The following SHC4 variants were observed in gnomAD, a reference collection of about 807,000 sequenced individuals.
SHC4 encodes the protein SHC adaptor protein 4, also known as SHC-transforming protein 4.
In SHC4, 41 loss-of-function variants were observed where a neutral mutation model predicts 69.4. That is an observed-to-expected ratio of 0.59 (90% CI 0.46 to 0.77). SHC4 has a LOEUF of 0.77. Among genes scored for constraint, SHC4 ranks in the 30% least tolerant of loss-of-function variants. SHC4 has a pLI of 0.00. For synonymous variants in SHC4, 318 were observed against 299.3 expected (o/e 1.06, Z -0.64); for missense variants, 777 against 783.8 (o/e 0.99, Z 0.10).
rs954430326 is a variant in SHC4, at chr15:48,963,801, G to C, written c.-786C>G. On this transcript the variant is annotated 5_prime_UTR_variant, in exon 1 of 12. Coordinates refer to ENST00000332408, the MANE Select transcript of SHC4 (RefSeq NM_203349.4). ...ATTCCTCTCGGAGCTTTTTTCAGAA[G>C]CCCATTTGCAGCCGAAAGCTGAGAT... 6.6e-6 allele frequency among the ~76,000 whole-genome samples: 1 copy of C among 152,186 alleles called. No individual in the cohort carries two copies. Among genetic ancestry groups the C allele is most frequent in the African/African-American group, 2.4e-5 (1 of 41,440 alleles).
intron 10 of SHC4, among the ~76,000 whole-genome samples, chr15:48,837,099 G>A (rs1898913177): frequency 6.6e-6 from 1 of 152,178 alleles, no homozygotes; most frequent in Admixed American, 6.5e-5. Context: ...GGGTATACAC[G>A]TCTTAATGCG....
At chr15:48,876,346 G>A (rs1384299630) in intron 4 of SHC4, among the ~76,000 whole-genome samples, 7 of 152,058 alleles carry the variant, frequency 4.6e-5, no homozygotes, top group Non-Finnish European at 1.5e-5. Context: ...CTCCCAGCTG[G>A]TGCATGATCA....
At chr15:48,948,079 A>G (rs1456623731) in intron 1 of SHC4, 1 of 152,362 alleles carries the variant, frequency 6.6e-6, no homozygotes, top group South Asian at 2.1e-4. Context: ...AGGGTCTTGG[A>G]TAGGATTCTG....
intron 5 of SHC4, among the ~76,000 whole-genome samples, chr15:48,870,189 G>A (rs1195122034): frequency 8.5e-5 from 13 of 152,178 alleles, no homozygotes; most frequent in Admixed American, 8.5e-4. Flanking sequence ...ATGGATGACT[G>A]AGCTAGGGAG....
intron 2 of SHC4, among the ~76,000 whole-genome samples, chr15:48,909,381 G>A (rs777424682): frequency 6.6e-6 from 1 of 151,472 alleles, no homozygotes; most frequent in Admixed American, 6.6e-5. Context: ...CTACTGATCT[G>A]TGAATACATT....
chr15:48,833,195 GC>G (rs941158941), intron 11 of SHC4, among the ~76,000 whole-genome samples: 28 of 152,130 alleles, frequency 1.8e-4, no homozygotes, highest in African/African-American at 6.8e-4. Flanking sequence ...ACACCAACCA[GC>G]CCAAATAGAG....
intron 1 of SHC4, among the ~76,000 whole-genome samples, chr15:48,936,679 C>A (rs1019353568): frequency 2.0e-5 from 3 of 152,158 alleles, no homozygotes; most frequent in African/African-American, 4.8e-5. Flanking sequence ...TTATTAATGA[C>A]CCAGTCTTGG....
chr15:48,840,997 C>T (rs76763394), intron 10 of SHC4, among the ~76,000 whole-genome samples: 6,627 of 152,212 alleles, frequency 0.044, 294 homozygotes, highest in East Asian at 0.22. Flanking sequence ...TATTTACTTT[C>T]AATGAATGAT....
intron 3 of SHC4, 32 bp from the exon 4 acceptor site, chr15:48,884,399 T>C (rs751266676): frequency 1.9e-6 from 3 of 1,546,366 alleles, no homozygotes; most frequent in Admixed American, 4.3e-5. Context: ...AACAAAACAC[T>C]GTTAGGAATT....
At chr15:48,841,229 G>T (rs1392590134) in intron 10 of SHC4, among the ~76,000 whole-genome samples, 1 of 152,228 alleles carries the variant, frequency 6.6e-6, no homozygotes, top group African/African-American at 2.4e-5. Context: ...TCCGTGAAAT[G>T]AAAGGTATCA....
In SHC4 at chr15:48,884,358, T is replaced by C. The variant is rs17856990; in HGVS notation, c.730A>G (p.Lys244Glu). ...TTGCCAAGGACTGTTGATAGGAACT[T>C]AACTGGAGGCTTTAAAAATTAAAGA... ...GAIKKRKPPV[K>E]FLSTVLGKSN... The change falls in exon 4 of 12, where the codon AAG becomes GAG. Residue 244 changes from lysine to glutamate, a missense_variant. Lys to Glu is a moderately conservative substitution (Grantham distance 56). Transcript: ENST00000332408. 6.3e-7 allele frequency: 1 copy of C among 1,589,974 alleles called. No individual in the cohort carries two copies. The highest frequency in any genetic ancestry group is 8.5e-7 in the Non-Finnish European group (1 of 1,172,866).
intron 4 of SHC4, chr15:48,877,629 C>A: frequency 8.2e-6 from 7 of 856,020 alleles, no homozygotes; most frequent in Non-Finnish European, 9.8e-6. Flanking sequence ...AGTATTTCTT[C>A]ACTATAACTA....
chr15:48,895,446 C>T lies in SHC4; in HGVS notation c.657-4635G>A, dbSNP rs193129248. On this transcript the variant is annotated intron_variant, in intron 2 of 11. Coordinates refer to ENST00000332408, the MANE Select transcript of SHC4 (RefSeq NM_203349.4). The stretch of plus-strand genomic sequence containing the variant: ...TGTTCACTCCCCTAACATAGTGAGG[C>T]GCAGCTCTTTGGCCAATCGTTAATA... 2.6e-3 allele frequency among the ~76,000 whole-genome samples: 390 copies of T among 152,220 alleles called. 3 individuals carry two copies. Among genetic ancestry groups the T allele is most frequent in the Admixed American group, 5.8e-3 (88 of 15,296 alleles).
chr15:48,848,565 A>C (rs1470511506), intron 9 of SHC4, among the ~76,000 whole-genome samples: 2 of 152,206 alleles, frequency 1.3e-5, no homozygotes, highest in African/African-American at 4.8e-5. Context: ...GCTAGGATTA[A>C]TTCTATAAAA....
Position 48,889,198 on chromosome 15 carries a change from T to C in SHC4, c.720+1550A>G, listed in dbSNP as rs28384249. 5.6e-3 allele frequency among the ~76,000 whole-genome samples: 846 copies of C among 152,274 alleles called. 9 individuals carry two copies. The highest frequency in any genetic ancestry group is 0.02 in the African/African-American group (819 of 41,552). Reference sequence around the variant, plus strand: ...CCAGTTGAAGCATCCTAATCAGAAATTATGAGAAGCAGGAAGAGGTTAGAG... The same window carrying C: ...CCAGTTGAAGCATCCTAATCAGAAACTATGAGAAGCAGGAAGAGGTTAGAG... On this transcript the variant is annotated intron_variant, in intron 3 of 11. Coordinates refer to ENST00000332408, the MANE Select transcript of SHC4 (RefSeq NM_203349.4).
At chr15:48,890,863 G>T in intron 2 of SHC4, 52 bp from the exon 3 acceptor site, 1 of 1,579,344 alleles carries the variant, frequency 6.3e-7, no homozygotes, top group Non-Finnish European at 8.7e-7. Flanking sequence ...CCTCCACACA[G>T]TAAGTGTTTA....
At chr15:48,961,932 G>A (rs1195080667) in intron 1 of SHC4, among the ~76,000 whole-genome samples, 1 of 152,216 alleles carries the variant, frequency 6.6e-6, no homozygotes, top group East Asian at 1.9e-4. Flanking sequence ...CGTGTTTTGA[G>A]AAGTGTTTGT....
chr15:48,859,175 A>C (rs1899387766), intron 6 of SHC4, among the ~76,000 whole-genome samples: 1 of 152,234 alleles, frequency 6.6e-6, no homozygotes, highest in Non-Finnish European at 1.5e-5. Flanking sequence ...TGATAACAGT[A>C]AGTTATAACA....
At chr15:48,873,886 C>G (rs1443199210) in intron 4 of SHC4, among the ~76,000 whole-genome samples, 2 of 152,034 alleles carry the variant, frequency 1.3e-5, no homozygotes, top group African/African-American at 4.8e-5. Flanking sequence ...AAGATCTGAA[C>G]AAGTAGAAAG....
Sources: gnomAD v4.1 joint callset for allele counts (sites outside exome capture counted in the v4.1 genomes callset) on GRCh38, gnomAD v4.1.1 for gene constraint, MANE v1.5 for transcripts, NCBI Gene and HGNC (gene_info 2026-07-23, HGNC 2026-07-21) for gene names.